PTPDC1: variants seen among roughly 807,000 people sequenced by gnomAD.
PTPDC1 encodes the protein protein tyrosine phosphatase domain-containing protein 1.
In PTPDC1, 53 loss-of-function variants were observed where a neutral mutation model predicts 75.3. That is an observed-to-expected ratio of 0.70 (90% CI 0.56 to 0.88). The LOEUF is 0.88. Among genes scored for constraint, PTPDC1 ranks in the 40% least tolerant of loss-of-function variants. The probability of loss-of-function intolerance (pLI) is 0.00; values close to 1 mark genes in which losing one functional copy is unlikely to be tolerated. For synonymous variants in PTPDC1, 349 were observed against 366.2 expected, an observed-to-expected ratio of 0.95 and a Z score of 0.54; for missense variants, 925 against 998.6, an observed-to-expected ratio of 0.93 and a Z score of 0.99.
At chr9:94,085,205 A>G (rs1419760628) in intron 1 of PTPDC1, 46 bp from the exon 2 acceptor site, 1 of 1,542,904 alleles carries the variant, frequency 6.5e-7, no homozygotes, top group Non-Finnish European at 8.9e-7. Flanking sequence ...TTACAATTTC[A>G]TTTGGAGAGT....
At position 94,100,042 on chromosome 9, in the gene PTPDC1, C is replaced by T. The variant is rs7863998; in HGVS notation, c.2013+1463C>T. On this transcript the variant is annotated intron_variant, in intron 6 of 8. Coordinates refer to ENST00000620992, the MANE Select transcript of PTPDC1 (RefSeq NM_001253829.2). ...TAATGCCACCCATGCCTGTACTAGA[C>T]CATTTCACATATATTATTTCATGTG... The T allele has an allele frequency of 2.6e-3, 400 of 152,274 alleles. 3 individuals carry two copies. The highest frequency in any genetic ancestry group is 9.3e-3 in the African/African-American group (388 of 41,540). 9.4% of individuals were successfully genotyped at this position (152,274 alleles called of 1,614,324 possible). A position where few individuals can be genotyped will look rare whatever the true frequency, so the allele number is the denominator to read the frequency against.
intron 1 of PTPDC1, among the ~76,000 whole-genome samples, chr9:94,040,239 G>A (rs140506945): frequency 6.6e-6 from 1 of 152,174 alleles, no homozygotes; most frequent in Non-Finnish European, 1.5e-5. Context: ...ACATTAATGA[G>A]TGACTCCATT....
intron 1 of PTPDC1, among the ~76,000 whole-genome samples, chr9:94,049,727 G>A (rs1025975045): frequency 4.1e-4 from 63 of 152,200 alleles, no homozygotes; most frequent in African/African-American, 5.8e-4. Context: ...TCTTTGTGGC[G>A]TTCTCTGTAT....
At chr9:94,078,784 G>A (rs1227228924) in intron 2 of PTPDC1, among the ~76,000 whole-genome samples, 1 of 152,052 alleles carries the variant, frequency 6.6e-6, no homozygotes, top group Non-Finnish European at 1.5e-5. Flanking sequence ...ATTTTTCATT[G>A]TTTTTGTACT....
At chr9:94,038,955 G>A (rs1398764021) in intron 1 of PTPDC1, among the ~76,000 whole-genome samples, 1 of 152,098 alleles carries the variant, frequency 6.6e-6, no homozygotes, top group Non-Finnish European at 1.5e-5. Context: ...AAATTTTATA[G>A]ATGATCTATA....
intron 5 of PTPDC1, among the ~76,000 whole-genome samples, chr9:94,095,811 A>T (rs1057424419): frequency 2.6e-5 from 4 of 152,254 alleles, no homozygotes; most frequent in African/African-American, 9.6e-5. Flanking sequence ...TAAAAATTAA[A>T]TCAAAAAAAA....
intron 1 of PTPDC1, among the ~76,000 whole-genome samples, chr9:94,036,116 A>G (rs1025869024): frequency 6.8e-6 from 1 of 147,882 alleles, no homozygotes; most frequent in African/African-American, 2.5e-5. Context: ...GTTTGCAAAC[A>G]TTTTCTCCCA....
chr9:94,100,850 A>T (rs1827811077), intron 6 of PTPDC1: 2 of 152,128 alleles, frequency 1.3e-5, no homozygotes, highest in Admixed American at 1.3e-4. Context: ...TCCTTATCTC[A>T]CTTTTCCCTT....
At chr9:94,056,388 A>G (rs1213547332) in intron 1 of PTPDC1, among the ~76,000 whole-genome samples, 1 of 152,196 alleles carries the variant, frequency 6.6e-6, no homozygotes, top group Non-Finnish European at 1.5e-5. Flanking sequence ...TCTAGAATCT[A>G]ATCACATTGA....
intron 1 of PTPDC1, among the ~76,000 whole-genome samples, chr9:94,043,819 A>C (rs1207629697): frequency 6.6e-6 from 1 of 152,236 alleles, no homozygotes; most frequent in East Asian, 1.9e-4. Flanking sequence ...ATTTAGGTCT[A>C]AGATACATTT....
At chr9:94,032,980 G>A (rs565359303) in intron 1 of PTPDC1, among the ~76,000 whole-genome samples, 2 of 152,224 alleles carry the variant, frequency 1.3e-5, no homozygotes, top group African/African-American at 4.8e-5. Context: ...TCCCACCTCA[G>A]CTTCCCAAGT....
At chr9:94,099,880 T>G (rs902567734) in intron 6 of PTPDC1, among the ~76,000 whole-genome samples, 3 of 152,254 alleles carry the variant, frequency 2.0e-5, no homozygotes, top group African/African-American at 7.2e-5. Context: ...GAAAGCATTT[T>G]CTGGAGGTGA....
intron 1 of PTPDC1, among the ~76,000 whole-genome samples, chr9:94,036,138 G>T (rs896314618): frequency 2.8e-5 from 4 of 145,158 alleles, no homozygotes; most frequent in African/African-American, 5.1e-5. Flanking sequence ...TCTGTAGGTT[G>T]TCTTGTCATT....
intron 2 of PTPDC1, among the ~76,000 whole-genome samples, chr9:94,078,018 C>T (rs1003809774): frequency 6.6e-6 from 1 of 152,214 alleles, no homozygotes; most frequent in African/African-American, 2.4e-5. Context: ...CACCCTAGTC[C>T]CCCTGGCAAA....
intron 2 of PTPDC1, among the ~76,000 whole-genome samples, chr9:94,078,665 T>A (rs1347408734): frequency 6.6e-6 from 1 of 152,212 alleles, no homozygotes; most frequent in Non-Finnish European, 1.5e-5. Context: ...ATTTTTTCAT[T>A]TTTTATTCTC....
upstream of PTPDC1, among the ~76,000 whole-genome samples, chr9:94,081,953 G>A (rs955526930): frequency 3.9e-5 from 6 of 152,184 alleles, no homozygotes; most frequent in South Asian, 4.1e-4. Context: ...CAGAACCGAT[G>A]TTTATAGAAT....
At position 94,097,932 on chromosome 9, in the gene PTPDC1, G is replaced by A. The variant is rs199863157; in HGVS notation, c.1366G>A (p.Glu456Lys). 8.1e-6 allele frequency: 13 copies of A among 1,614,026 alleles called. No homozygotes were observed. In the Admixed American group the frequency reaches 8.3e-5, roughly 10 times the overall value. The change falls in exon 6 of 9, where the codon GAG becomes AAG. Residue 456 changes from glutamate (E) to lysine (K), a missense_variant. Physicochemically the swap from Glu to Lys is moderately conservative, Grantham distance 56. Coordinates refer to ENST00000620992, the MANE Select transcript of PTPDC1 (RefSeq NM_001253829.2). ...CAGTGACTCAGATTTAAAGAGGGCC[G>A]AGAACCTCCTGGAGCAAGGGGAGAC... ...SYSDSDLKRA[E>K]NLLEQGETPQ...
At chr9:94,031,015 G>C (rs117705411) in exon 1 of PTPDC1, 2 of 152,178 alleles carry the variant, frequency 1.3e-5, no homozygotes, top group Non-Finnish European at 2.9e-5. Context: ...GCGGGGCAGC[G>C]TCTCCGGGCC....
chr9:94,109,267 T>C lies in PTPDC1; in HGVS notation c.*1323T>C, dbSNP rs1255711823. ...TAAAGGTGATATTAATCAGACTAAT[T>C]TCGAACTAAAGAAGTTACTGCTTAA... On this transcript the variant is annotated 3_prime_UTR_variant, in exon 9 of 9. Transcript: ENST00000620992. The C allele has an allele frequency of 6.6e-6, 1 of 152,172 alleles. No individual in the cohort carries two copies. The highest frequency in any genetic ancestry group is 6.5e-5 in the Admixed American group (1 of 15,270). 9.4% of individuals were successfully genotyped at this position (152,172 alleles called of 1,614,324 possible).
Sources: gnomAD v4.1 joint callset for allele counts (sites outside exome capture counted in the v4.1 genomes callset) on GRCh38, gnomAD v4.1.1 for gene constraint, MANE v1.5 for transcripts, NCBI Gene and HGNC (gene_info 2026-07-23, HGNC 2026-07-21) for gene names.